The following E2F7 variants were observed in gnomAD, a reference collection of about 807,000 sequenced individuals.
The protein encoded by E2F7 is E2F transcription factor 7, also known as transcription factor E2F7.
In E2F7, 35 loss-of-function variants were observed where a neutral mutation model predicts 81.1. That is an observed-to-expected ratio of 0.43 (90% CI 0.33 to 0.57). The LOEUF (loss-of-function observed/expected upper bound fraction) is 0.57, where lower values mean the gene tolerates loss of function less well. Among genes scored for constraint, E2F7 ranks in the 20% least tolerant of loss-of-function variants. The probability of loss-of-function intolerance (pLI) is 0.04; values close to 1 mark genes in which losing one functional copy is unlikely to be tolerated. For synonymous variants in E2F7, 416 were observed against 416.2 expected, an observed-to-expected ratio of 1.00 and a Z score of 0.01; for missense variants, 961 against 1,093.7, an observed-to-expected ratio of 0.88 and a Z score of 1.71.
At chr12:77,045,033 A>G (rs1237700438) in intron 5 of E2F7, among the ~76,000 whole-genome samples, 1 of 152,182 alleles carries the variant, frequency 6.6e-6, no homozygotes, top group African/African-American at 2.4e-5. Flanking sequence ...CATATTTTAA[A>G]CCACTCAATG....
Position 77,028,029 on chromosome 12 carries a change from A to G in E2F7, c.1994T>C (p.Ile665Thr). The change falls in exon 11 of 13, where the codon ATT (isoleucine) becomes ACT (threonine). Residue 665 changes from isoleucine (I) to threonine (T), a missense_variant. By Grantham distance (89) the Ile-to-Thr change is moderately conservative. This residue lies in a region of E2F7 where 587 missense variants were observed against 620.3 expected (regional missense o/e 0.95). Coordinates refer to ENST00000322886, the MANE Select transcript of E2F7 (RefSeq NM_203394.3). The part of the protein sequence containing the change: ...VNGQLPAAEE[I>T]SGKATANSLV... ...AGAGTTTGCTGTTGCCTTTCCTGAAATCTCTTCTGCAGCAGGGAGTTGGCC... is the reference window on the plus strand; with the variant it reads ...AGAGTTTGCTGTTGCCTTTCCTGAAGTCTCTTCTGCAGCAGGGAGTTGGCC... 1 of 1,614,106 alleles carries G rather than the reference A, an allele frequency of 6.2e-7. No homozygotes were observed. The highest frequency in any genetic ancestry group is 8.5e-7 in the Non-Finnish European group (1 of 1,180,016).
intron 2 of E2F7, among the ~76,000 whole-genome samples, chr12:77,062,289 CA>C (rs1358388545): frequency 1.3e-5 from 2 of 152,116 alleles, no homozygotes; most frequent in Non-Finnish European, 2.9e-5. Context: ...GCATCTGGAA[CA>C]AAAATATTTG....
chr12:77,022,499 C>G lies in E2F7; in HGVS notation c.*1516G>C, dbSNP rs1361127529. ...AATATAAAGCTACTTTATTCAGACTCCCAGAGTCTCTTAAATTAATATTTT... is the reference window on the plus strand; with the variant it reads ...AATATAAAGCTACTTTATTCAGACTGCCAGAGTCTCTTAAATTAATATTTT... On this transcript the variant is annotated 3_prime_UTR_variant, in exon 13 of 13. Coordinates refer to ENST00000322886, the MANE Select transcript of E2F7 (RefSeq NM_203394.3). 3 of 152,428 alleles carry G rather than the reference C, an allele frequency of 2.0e-5. No individual in the cohort carries two copies. Among genetic ancestry groups the G allele is most frequent in the Non-Finnish European group, 2.9e-5 (2 of 68,016 alleles). 9.4% of individuals were successfully genotyped at this position (152,428 alleles called of 1,614,324 possible).
intron 4 of E2F7, among the ~76,000 whole-genome samples, chr12:77,047,689 C>T (rs1369061091): frequency 6.6e-6 from 1 of 152,172 alleles, no homozygotes; most frequent in East Asian, 1.9e-4. Flanking sequence ...ATAGGAAGTT[C>T]TATCACATGC....
chr12:77,043,703 G>C (rs1041477220), intron 6 of E2F7, among the ~76,000 whole-genome samples: 2 of 152,118 alleles, frequency 1.3e-5, no homozygotes, highest in Non-Finnish European at 2.9e-5. Context: ...ACTAAAGACA[G>C]GCAGCTCCTC....
At chr12:77,062,520 G>C (rs1955086726) in intron 2 of E2F7, among the ~76,000 whole-genome samples, 1 of 152,130 alleles carries the variant, frequency 6.6e-6, no homozygotes, top group Non-Finnish European at 1.5e-5. Flanking sequence ...TTCTATTTGA[G>C]TTGACATAAT....
intron 7 of E2F7, among the ~76,000 whole-genome samples, chr12:77,038,418 C>G (rs1954870771): frequency 2.0e-5 from 3 of 152,090 alleles, no homozygotes; most frequent in Non-Finnish European, 4.4e-5. Context: ...AGTATATTCT[C>G]TGGTTACATT....
intron 4 of E2F7, among the ~76,000 whole-genome samples, chr12:77,049,208 C>A (rs762421865): frequency 5.3e-5 from 8 of 152,054 alleles, no homozygotes; most frequent in Non-Finnish European, 1.2e-4. Flanking sequence ...GCAACTGATA[C>A]ACCCAGGGCC....
chr12:77,024,840 A>G (rs1404471669), intron 12 of E2F7, among the ~76,000 whole-genome samples: 1 of 152,200 alleles, frequency 6.6e-6, no homozygotes, highest in Non-Finnish European at 1.5e-5. Flanking sequence ...GCCTCTGAAT[A>G]ACTTGTCTAA....
chr12:77,058,465 G>C (rs2120752963), intron 2 of E2F7, among the ~76,000 whole-genome samples: 1 of 152,182 alleles, frequency 6.6e-6, no homozygotes, highest in African/African-American at 2.4e-5. Flanking sequence ...CTGTGTCCTG[G>C]GCACAAACTG....
intron 10 of E2F7, among the ~76,000 whole-genome samples, chr12:77,029,281 G>C (rs1018847483): frequency 6.6e-6 from 1 of 152,210 alleles, no homozygotes; most frequent in African/African-American, 2.4e-5. Flanking sequence ...CTGCTTTCTG[G>C]ATTTACTGGT....
intron 6 of E2F7, 130 bp from the exon 7 acceptor site, chr12:77,043,329 AC>A: frequency 1.7e-6 from 2 of 1,166,598 alleles, no homozygotes; most frequent in Non-Finnish European, 2.4e-6. Flanking sequence ...GGATGAGGAG[AC>A]CAGTGGCTCT....
chr12:77,058,854 G>A (rs1955055506), intron 2 of E2F7, among the ~76,000 whole-genome samples: 4 of 152,126 alleles, frequency 2.6e-5, no homozygotes, highest in Admixed American at 2.0e-4. Flanking sequence ...TAACTTCCAG[G>A]ATGTGTGTCT....
chr12:77,050,816 A>G, intron 3 of E2F7, 72 bp from the exon 4 acceptor site: 1 of 1,521,372 alleles, frequency 6.6e-7, no homozygotes, highest in Non-Finnish European at 8.9e-7. Flanking sequence ...GGCAATGGCC[A>G]GTGTTGGCAA....
At chr12:77,027,853 G>A in intron 11 of E2F7, 30 bp downstream of exon 11, 1 of 1,606,478 alleles carries the variant, frequency 6.2e-7, no homozygotes, top group Admixed American at 1.7e-5. Context: ...ACTGCCGCAA[G>A]GGACTCTAAG....
In E2F7 at chr12:77,041,727, T is replaced by A. The variant is rs529181440; in HGVS notation, c.1123+1338A>T. On this transcript the variant is annotated intron_variant, in intron 7 of 12. Transcript: ENST00000322886. ...ACAGCCCATCAGAACTTAATCTGTA[T>A]CCTCTCTGAATGCCTACAGAGCCAG... Among the ~76,000 whole-genome samples, 7 of 152,290 alleles carry A rather than the reference T, an allele frequency of 4.6e-5. No homozygotes were observed. The East Asian group carries it at 1.4e-3, about 29-fold the overall frequency.
intron 5 of E2F7, chr12:77,045,770 C>CA (rs2120702674): frequency 2.4e-6 from 1 of 420,232 alleles, no homozygotes; most frequent in African/African-American, 2.0e-5. Context: ...ATGGGGCTGC[C>CA]AATCTAAAAA....
At position 77,024,902 on chromosome 12, in the gene E2F7, T is replaced by C. The variant is rs530892551; in HGVS notation, c.2565+656A>G. 1.1e-3 allele frequency among the ~76,000 whole-genome samples: 163 copies of C among 152,322 alleles called. 1 individual carries two copies. Among genetic ancestry groups the C allele is most frequent in the African/African-American group, 3.8e-3 (160 of 41,560 alleles). ...TGTCTGGGAGAGTAAGTAATCACTG[T>C]GAACAACCTAATGTGTAATAGGAAT... On this transcript the variant is annotated intron_variant, in intron 12 of 12. Coordinates refer to ENST00000322886, the MANE Select transcript of E2F7 (RefSeq NM_203394.3).
Position 77,056,067 on chromosome 12 carries a change from C to T in E2F7, c.157G>A (p.Asp53Asn). ...GTAAATTTTTTTTGCTTCGATAAAT[C>T]AATTGGTTCATTTTTTATTGGAGTC... ...PKTPIKNEPI[D>N]LSKQKKFTPE... is the part of the protein sequence containing the mutation. The change falls in exon 3 of 13, where the codon GAT becomes AAT. Residue 53 changes from aspartate to asparagine, a missense_variant. Transcript: ENST00000322886. The T allele has an allele frequency of 1.2e-6, 2 of 1,613,966 alleles. No individual in the cohort carries two copies. Among genetic ancestry groups the T allele is most frequent in the Non-Finnish European group, 1.7e-6 (2 of 1,179,984 alleles).
Sources: gnomAD v4.1 joint callset for allele counts (sites outside exome capture counted in the v4.1 genomes callset) on GRCh38, gnomAD v4.1.1 for gene constraint, gnomAD v4.1.1 regional missense constraint, MANE v1.5 for transcripts, NCBI Gene and HGNC (gene_info 2026-07-23, HGNC 2026-07-21) for gene names.